The following MMP25 variants were observed in gnomAD, a reference collection of about 807,000 sequenced individuals.
MMP25 encodes the protein matrix metallopeptidase 25.
A neutral mutation model predicts 62.1 loss-of-function variants in MMP25; 68 were observed. The observed-to-expected ratio is 1.10, with a 90% CI of 0.90 to 1.34. The LOEUF (loss-of-function observed/expected upper bound fraction) is 1.34, where lower values mean the gene tolerates loss of function less well. MMP25 is among the 40% of genes most tolerant of loss of function. The pLI is 0.00. For synonymous variants in MMP25, 407 were observed against 345.6 expected (o/e 1.18, Z -1.97); for missense variants, 942 against 792.5 (o/e 1.19, Z -2.26).
intron 2 of MMP25, 48 bp from the exon 3 acceptor site, chr16:3,049,961 G>T (rs778181136): frequency 6.2e-7 from 1 of 1,601,738 alleles, no homozygotes; most frequent in Non-Finnish European, 8.5e-7. Flanking sequence ...GATTAAGGCA[G>T]GCTCTCCTAT....
At position 3,050,530 on chromosome 16, in the gene MMP25, G is replaced by GA. The variant is rs1567124509; in HGVS notation, c.646dup (p.Thr216AsnfsTer19). 1 of 1,549,788 alleles carries GA rather than the reference G, an allele frequency of 6.5e-7. No individual in the cohort carries two copies. The highest frequency in any genetic ancestry group is 8.7e-7 in the Non-Finnish European group (1 of 1,147,078). On this transcript the variant is annotated frameshift_variant, in exon 4 of 10. Coordinates refer to ENST00000336577, the MANE Select transcript of MMP25 (RefSeq NM_022468.5). LOFTEE classifies it high-confidence loss of function. Reference sequence around the variant, plus strand: ...CTCACTTTGACGATGAGGAGACCTGGACTTTTGGGTCAAAAGGTAAAATCT... The same window carrying GA: ...CTCACTTTGACGATGAGGAGACCTGGAACTTTTGGGTCAAAAGGTAAAATCT...
At position 3,057,226 on chromosome 16, in the gene MMP25, C is replaced by G. The variant is rs1381514099; in HGVS notation, c.838+17C>G. ...AACTCTATGGTAGGGGGAGAGGGACCTGCCGCGAAACCATCATTGCCCCAT... is the reference window on the plus strand; with the variant it reads ...AACTCTATGGTAGGGGGAGAGGGACGTGCCGCGAAACCATCATTGCCCCAT... On this transcript the variant is annotated intron_variant, in intron 5 of 9. Coordinates refer to ENST00000336577, the MANE Select transcript of MMP25 (RefSeq NM_022468.5). The G allele has an allele frequency of 6.2e-7, 1 of 1,613,366 alleles. No homozygotes were observed. The highest frequency in any genetic ancestry group is 8.5e-7 in the Non-Finnish European group (1 of 1,179,736).
In MMP25 at chr16:3,058,676, A is replaced by G. The variant is rs1956061418; in HGVS notation, c.1417+7A>G. On this transcript the variant is annotated splice_region_variant and intron_variant, in intron 9 of 9. Coordinates refer to ENST00000336577, the MANE Select transcript of MMP25 (RefSeq NM_022468.5). ...GTCACCGTCAGCAACGCAGGTGGGG[A>G]GCGCGGTGACCTGCGGGTTACTGGG... is the stretch of plus-strand genomic sequence containing the variant. 1 of 1,589,630 alleles carries G rather than the reference A, an allele frequency of 6.3e-7. No homozygotes were observed. The highest frequency in any genetic ancestry group is 8.6e-7 in the Non-Finnish European group (1 of 1,167,594).
rs10438592 is a variant in MMP25, at chr16:3,060,094, T to C, written c.*996T>C. On this transcript the variant is annotated 3_prime_UTR_variant, in exon 10 of 10. Transcript: ENST00000336577. ...CCTCAGCACTCCCTCCTGGGAGGCC[T>C]TAGCTCTAGAGTGAGGGGTGGGTGG... 19,762 of 152,136 alleles carry C rather than the reference T, an allele frequency of 0.13. 1,704 individuals are homozygous for C. Among genetic ancestry groups the C allele is most frequent in the African/African-American group, 0.23 (9,625 of 41,394 alleles). The allele number at this position is 152,136 out of a possible 1,614,324, so 9.4% of individuals were successfully genotyped here.
rs1317416263 is a variant in MMP25, at chr16:3,050,321, C to T, written c.436C>T (p.Leu146=). The part of the protein sequence containing the change: ...ETVRVLMSYA[L]MAWGMESGLT... ...CGTGCGGGTCCTCATGAGCTATGCC[C>T]TGATGGCCTGGGGCATGGAGTCAGG... The change falls in exon 4 of 10, where the codon CTG becomes TTG. Residue 146 remains leucine (L), a synonymous_variant. Coordinates refer to ENST00000336577, the MANE Select transcript of MMP25 (RefSeq NM_022468.5). The T allele has an allele frequency of 1.2e-6, 2 of 1,613,750 alleles. No homozygotes were observed. Among genetic ancestry groups the T allele is most frequent in the Non-Finnish European group, 1.7e-6 (2 of 1,179,924 alleles).
Position 3,047,418 on chromosome 16 carries a change from T to C in MMP25, c.103T>C (p.Trp35Arg), listed in dbSNP as rs909594718. Residue 35 changes from tryptophan (W) to arginine (R), a missense_variant, in exon 2 of 10, where the codon TGG becomes CGG. Trp to Arg is a moderately radical substitution (Grantham distance 101, BLOSUM62 -3). Transcript: ENST00000336577. Reference sequence around the variant, plus strand: ...CCTGCCCCCTCCGATGCCCTAGGACTGGCTGACTCGCTATGGTTACCTGCC... The same window carrying C: ...CCTGCCCCCTCCGATGCCCTAGGACCGGCTGACTCGCTATGGTTACCTGCC... Reference protein sequence around the residue: ...SAQDVSLGVDWLTRYGYLPPP... With the variant: ...SAQDVSLGVDRLTRYGYLPPP... 1 of 1,613,172 alleles carries C rather than the reference T, an allele frequency of 6.2e-7. No individual in the cohort carries two copies. Among genetic ancestry groups the C allele is most frequent in the East Asian group, 2.2e-5 (1 of 44,856 alleles).
At chr16:3,049,919 G>A (rs1955873620) in intron 2 of MMP25, 90 bp from the exon 3 acceptor site, 2 of 1,578,572 alleles carry the variant, frequency 1.3e-6, no homozygotes, top group Non-Finnish European at 1.7e-6. Context: ...CTGAGCCTCA[G>A]TTTTCCCATG....
At chr16:3,051,214 T>G (rs971229267) in intron 4 of MMP25, 1 of 151,842 alleles carries the variant, frequency 6.6e-6, no homozygotes, top group East Asian at 1.9e-4. Flanking sequence ...TGTGTGTGTA[T>G]GTGTGTGGGG....
intron 4 of MMP25, chr16:3,056,804 C>A: frequency 2.0e-6 from 1 of 497,282 alleles, no homozygotes. Flanking sequence ...TCTGTGTGTT[C>A]TCTGGATCTT....
At position 3,058,488 on chromosome 16, in the gene MMP25, G is replaced by T. The variant is rs759623576; in HGVS notation, c.1236G>T (p.Pro412=). 4.4e-6 allele frequency: 7 copies of T among 1,607,920 alleles called. No individual in the cohort carries two copies. The African/African-American group carries it at 9.4e-5, about 22-fold the overall frequency. Residue 412 remains proline, a synonymous_variant, in exon 9 of 10, where the codon CCG becomes CCT. Coordinates refer to ENST00000336577, the MANE Select transcript of MMP25 (RefSeq NM_022468.5). The part of the protein sequence containing the change: ...ARPLTELGLP[P]GEEVDAVFSW... ...CGCTCACGGAGCTGGGGCTGCCCCC[G>T]GGAGAGGAGGTGGACGCCGTGTTCT...
At position 3,059,779 on chromosome 16, in the gene MMP25, G is replaced by A. The variant is rs1956083661; in HGVS notation, c.*681G>A. The A allele has an allele frequency of 6.6e-6, 1 of 152,376 alleles. No individual in the cohort carries two copies. The highest frequency in any genetic ancestry group is 2.4e-5 in the African/African-American group (1 of 41,414). The allele number at this position is 152,376 out of a possible 1,614,324, so 9.4% of individuals were successfully genotyped here. On this transcript the variant is annotated 3_prime_UTR_variant, in exon 10 of 10. Transcript: ENST00000336577. Reference sequence around the variant, plus strand: ...AACCAGCCCAGATATCACCCCTGAGGACCCATGCGCCACGTCCTGGGTGGT... The same window carrying A: ...AACCAGCCCAGATATCACCCCTGAGAACCCATGCGCCACGTCCTGGGTGGT...
chr16:3,058,420 T>G lies in MMP25; in HGVS notation c.1168T>G (p.Phe390Val). ...GRILLFSGPQ[F>V]WVFQDRQLEG... ...CGGCCTCCACCCTGCAGGGCCCCAG[T>G]TCTGGGTGTTCCAGGACCGGCAGCT... The change falls in exon 9 of 10, where the codon TTC becomes GTC. Residue 390 changes from phenylalanine to valine, a missense_variant. Coordinates refer to ENST00000336577, the MANE Select transcript of MMP25 (RefSeq NM_022468.5). The G allele has an allele frequency of 6.4e-7, 1 of 1,565,556 alleles. No individual in the cohort carries two copies. Among genetic ancestry groups the G allele is most frequent in the Admixed American group, 1.9e-5 (1 of 53,214 alleles).
In MMP25 at chr16:3,057,358, C is replaced by T; in HGVS notation, c.887C>T (p.Ala296Val). The T allele has an allele frequency of 1.2e-6, 2 of 1,613,696 alleles. No individual in the cohort carries two copies. Among genetic ancestry groups the T allele is most frequent in the African/African-American group, 1.3e-5 (1 of 75,020 alleles). ...PYDKPTRKPL[A>V]PPPQPPASPT... ...GACAAGCCCACAAGGAAACCCCTGG[C>T]TCCTCCGCCCCAGCCCCCGGCCTCG... The change falls in exon 6 of 10, where the codon GCT (alanine) becomes GTT (valine). Residue 296 changes from alanine to valine, a missense_variant. Coordinates refer to ENST00000336577, the MANE Select transcript of MMP25 (RefSeq NM_022468.5).
At position 3,050,127 on chromosome 16, in the gene MMP25, G is replaced by A; in HGVS notation, c.351G>A (p.Lys117=). ...CTCTGAGCGGCAGCGTGTGGAAGAA[G>A]CGAACCCTGACATGGAGGTAGGTCC... The part of the protein sequence containing the change: ...RYALSGSVWK[K]RTLTWRVRSF... The change falls in exon 3 of 10, where the codon AAG becomes AAA. Residue 117 remains lysine, a synonymous_variant. Transcript: ENST00000336577. 1 of 1,606,798 alleles carries A rather than the reference G, an allele frequency of 6.2e-7. No individual in the cohort carries two copies. Among genetic ancestry groups the A allele is most frequent in the Non-Finnish European group, 8.5e-7 (1 of 1,175,074 alleles).
intron 4 of MMP25, among the ~76,000 whole-genome samples, chr16:3,050,801 C>G (rs539464896): frequency 2.1e-4 from 32 of 152,000 alleles, no homozygotes; most frequent in African/African-American, 7.5e-4. Context: ...GTTTTTTTTA[C>G]TTTTTGTAGA....
intron 4 of MMP25, chr16:3,053,539 C>T (rs890580481): frequency 1.3e-5 from 2 of 152,202 alleles, no homozygotes; most frequent in South Asian, 2.1e-4. Flanking sequence ...TGCCCTGGGC[C>T]GCATACTGTG....
chr16:3,055,962 G>C (rs1956000456), intron 4 of MMP25: 1 of 455,352 alleles, frequency 2.2e-6, no homozygotes, highest in South Asian at 1.6e-5. Flanking sequence ...ACAGAGGGAA[G>C]AGGCTGGGAG....
rs1487291911 is a variant in MMP25 at position 3,059,949 on chromosome 16, C to G, written c.*851C>G. 6.6e-6 allele frequency: 1 copy of G among 152,176 alleles called. No homozygotes were observed. Among genetic ancestry groups the G allele is most frequent in the African/African-American group, 2.4e-5 (1 of 41,370 alleles). 9.4% of individuals were successfully genotyped at this position (152,176 alleles called of 1,614,324 possible). A position where few individuals can be genotyped will look rare whatever the true frequency, so the allele number is the denominator to read the frequency against. The stretch of plus-strand genomic sequence containing the variant: ...AACTGCCTTCCATTCAATGGGGAAC[C>G]CTTCTATCCCCAAGAACCCCTTCCC... On this transcript the variant is annotated 3_prime_UTR_variant, in exon 10 of 10. Transcript: ENST00000336577.
At chr16:3,054,273 G>C (rs1215380541) in intron 4 of MMP25, 16 of 152,980 alleles carry the variant, frequency 1.0e-4, no homozygotes, top group African/African-American at 3.9e-4. Context: ...TGCATGCACA[G>C]AGGCAGGGAT....
Sources: gnomAD v4.1 joint callset for allele counts (sites outside exome capture counted in the v4.1 genomes callset) on GRCh38, gnomAD v4.1.1 for gene constraint, MANE v1.5 for transcripts, NCBI Gene and HGNC (gene_info 2026-07-23, HGNC 2026-07-21) for gene names.